CCDC73: variants seen among roughly 807,000 people sequenced by gnomAD.
The protein encoded by CCDC73 is coiled-coil domain containing 73.
In CCDC73, 95 loss-of-function variants were observed where a neutral mutation model predicts 116.5. The ratio of observed to expected loss-of-function variants is 0.82; its 90% CI spans 0.69 to 0.97. The LOEUF is 0.97. Among genes scored for constraint, CCDC73 ranks in the 50% least tolerant of loss-of-function variants. The probability of loss-of-function intolerance (pLI) is 0.00; values close to 1 mark genes in which losing one functional copy is unlikely to be tolerated. For synonymous variants in CCDC73, 398 were observed against 401.3 expected (o/e 0.99, Z 0.10); for missense variants, 1,066 against 1,206.8 (o/e 0.88, Z 1.73).
chr11:32,665,077 A>G (rs1165004568), intron 9 of CCDC73, among the ~76,000 whole-genome samples: 2 of 152,178 alleles, frequency 1.3e-5, no homozygotes, highest in African/African-American at 4.8e-5. Flanking sequence ...TTTACTTCCA[A>G]CTATGTGGTC....
At chr11:32,802,452 G>C in the CCDC73 span, among the ~76,000 whole-genome samples, 1 of 152,180 alleles carries the variant, frequency 6.6e-6, no homozygotes, top group Non-Finnish European at 1.5e-5. Context: ...AATATGACAT[G>C]ACACCATTTT....
chr11:32,799,091 ATTTT>A (rs36041424), upstream of CCDC73, among the ~76,000 whole-genome samples: 15 of 118,290 alleles, frequency 1.3e-4, no homozygotes, highest in Non-Finnish European at 1.9e-4. Context: ...TTTTCTTTTC[ATTTT>A]TTTTTTTTTT....
chr11:32,788,670 T>G (rs1404664960), intron 1 of CCDC73, among the ~76,000 whole-genome samples: 3 of 151,996 alleles, frequency 2.0e-5, no homozygotes, highest in African/African-American at 4.8e-5. Flanking sequence ...GGATGGGGTC[T>G]CACTATGTTG....
chr11:32,767,404 G>A (rs1472354017), intron 1 of CCDC73, among the ~76,000 whole-genome samples: 2 of 152,166 alleles, frequency 1.3e-5, no homozygotes, highest in Non-Finnish European at 2.9e-5. Context: ...TCAGGACATA[G>A]GCATGGGCAA....
In CCDC73 at chr11:32,683,484, C is replaced by T. The variant is rs145851301; in HGVS notation, c.429+52G>A. On this transcript the variant is annotated intron_variant, in intron 7 of 17. Transcript: ENST00000335185. Reference sequence around the variant, plus strand: ...ACATTTTATTCCCAAAAACACCAATCCCCCTAAGTACTAATCCAGATGGGG... The same window carrying T: ...ACATTTTATTCCCAAAAACACCAATTCCCCTAAGTACTAATCCAGATGGGG... 3.4e-4 allele frequency: 386 copies of T among 1,142,566 alleles called. 4 individuals carry two copies. In the East Asian group the frequency reaches 7.9e-3, roughly 23 times the overall value. 70.8% of individuals were successfully genotyped at this position (1,142,566 alleles called of 1,614,324 possible).
intron 14 of CCDC73, among the ~76,000 whole-genome samples, chr11:32,622,586 T>C (rs1053363432): frequency 4.0e-5 from 6 of 150,336 alleles, no homozygotes; most frequent in African/African-American, 1.5e-4. Context: ...TAGGTGTTGA[T>C]AGGTGCAGCA....
chr11:32,798,821 T>C (rs1850747894), upstream of CCDC73, among the ~76,000 whole-genome samples: 1 of 152,032 alleles, frequency 6.6e-6, no homozygotes, highest in East Asian at 1.9e-4. Flanking sequence ...TAATCTAATG[T>C]AACTTTACAT....
chr11:32,775,197 A>C (rs1267940701), intron 1 of CCDC73, among the ~76,000 whole-genome samples: 2 of 152,200 alleles, frequency 1.3e-5, no homozygotes, highest in East Asian at 3.8e-4. Flanking sequence ...TGTATCCCCC[A>C]GAGCCTAGCA....
At chr11:32,652,918 A>T (rs1038712100) in intron 12 of CCDC73, among the ~76,000 whole-genome samples, 2 of 152,190 alleles carry the variant, frequency 1.3e-5, no homozygotes, top group African/African-American at 4.8e-5. Context: ...AAAATTTAAC[A>T]TTTCACTAGT....
intron 3 of CCDC73, among the ~76,000 whole-genome samples, chr11:32,708,722 T>C (rs1849875080): frequency 1.3e-5 from 2 of 152,168 alleles, no homozygotes; most frequent in African/African-American, 4.8e-5. Flanking sequence ...TGATTGCTAT[T>C]GGTGTAAAGC....
intron 12 of CCDC73, among the ~76,000 whole-genome samples, chr11:32,651,986 G>T (rs1266016432): frequency 6.6e-6 from 1 of 152,244 alleles, no homozygotes; most frequent in East Asian, 1.9e-4. Context: ...AATCTCCATG[G>T]TTCCTTCATG....
Position 32,613,867 on chromosome 11 carries a change from C to G in CCDC73, c.2451G>C (p.Gln817His). The change falls in exon 16 of 18, where the codon CAG becomes CAC. Residue 817 changes from glutamine (Q) to histidine (H), a missense_variant. Transcript: ENST00000335185. ...SNKKNQIDEN[Q>H]VTEATKNDLF... The stretch of plus-strand genomic sequence containing the variant: ...GGTCATTTTTTGTGGCTTCAGTTAC[C>G]TGATTCTCATCAATCTGATTCTTTT... 1 of 1,613,492 alleles carries G rather than the reference C, an allele frequency of 6.2e-7. No individual in the cohort carries two copies. The highest frequency in any genetic ancestry group is 8.5e-7 in the Non-Finnish European group (1 of 1,179,908).
At chr11:32,676,841 T>C (rs117391048) in intron 7 of CCDC73, among the ~76,000 whole-genome samples, 1 of 152,196 alleles carries the variant, frequency 6.6e-6, no homozygotes, top group African/African-American at 2.4e-5. Context: ...GGAGGCAACA[T>C]ATGATAGTAG....
intron 9 of CCDC73, among the ~76,000 whole-genome samples, chr11:32,657,852 A>G (rs1222959507): frequency 6.6e-6 from 1 of 151,988 alleles, no homozygotes; most frequent in African/African-American, 2.4e-5. Context: ...ATAAAAAGAT[A>G]AGCCAGGCAT....
chr11:32,621,586 C>T (rs971006350), intron 14 of CCDC73, among the ~76,000 whole-genome samples: 1 of 151,982 alleles, frequency 6.6e-6, no homozygotes, highest in Admixed American at 6.6e-5. Context: ...GAAAACCTAC[C>T]CAATACCATT....
intron 12 of CCDC73, 114 bp from the exon 13 acceptor site, chr11:32,642,196 G>C: frequency 8.8e-7 from 1 of 1,138,114 alleles, no homozygotes; most frequent in East Asian, 3.3e-5. Flanking sequence ...ATACAGATCA[G>C]TGATAATGTG....
chr11:32,822,568 A>G, the CCDC73 span, among the ~76,000 whole-genome samples: 684 of 152,340 alleles, frequency 4.5e-3, 3 homozygotes, highest in African/African-American at 0.016. Context: ...AGCATCTGCC[A>G]GGTCCTAAGG....
At chr11:32,776,452 T>A (rs149701618) in intron 1 of CCDC73, among the ~76,000 whole-genome samples, 1,523 of 152,216 alleles carry the variant, frequency 0.01, 29 homozygotes, top group African/African-American at 0.035. Context: ...TCAACTTTAA[T>A]CTTCTGCCCC....
intron 13 of CCDC73, among the ~76,000 whole-genome samples, chr11:32,636,931 C>T (rs1446262959): frequency 1.3e-5 from 2 of 151,808 alleles, no homozygotes; most frequent in African/African-American, 2.4e-5. Flanking sequence ...AGCATCTTCT[C>T]GTCAGCCTAC....
Sources: allele counts gnomAD v4.1 joint callset (sites outside exome capture counted in the v4.1 genomes callset), GRCh38; gene constraint gnomAD v4.1.1; transcripts MANE v1.5; gene names NCBI Gene and HGNC (gene_info 2026-07-23, HGNC 2026-07-21).